Variants in TCF25 observed in about 807,000 individuals in gnomAD.
TCF25 encodes TCF25 ribosome quality control complex subunit.
Under a neutral mutation model 83.1 loss-of-function variants are expected in TCF25, and 41 were observed. The ratio of observed to expected loss-of-function variants is 0.49; its 90% confidence interval spans 0.38 to 0.64. TCF25 has a LOEUF of 0.64. Among genes scored for constraint, TCF25 ranks in the 30% least tolerant of loss-of-function variants. The pLI, the probability that TCF25 is intolerant of heterozygous loss-of-function variation, is 0.00. For missense variants in TCF25, 979 were observed against 914.5 expected (o/e 1.07, Z -0.91); for synonymous variants, 458 against 365.0 (o/e 1.25, Z -2.90).
rs765247841 is a variant in TCF25, at chr16:89,907,279, C to T, written c.1756C>T (p.Leu586=). ...GCAGTCTGTGATGGGGTTTGATCCT[C>T]TGCCTCCTTCGGACACAATCTACTC... ...TTQSVMGFDP[L]PPSDTIYSYV... Residue 586 remains leucine, a synonymous_variant, in exon 16 of 18, where the codon CTG becomes TTG. Coordinates refer to ENST00000263346, the MANE Select transcript of TCF25 (RefSeq NM_014972.3). 8 of 1,610,024 alleles carry T rather than the reference C, an allele frequency of 5.0e-6. No individual in the cohort carries two copies. The highest frequency in any genetic ancestry group is 6.8e-6 in the Non-Finnish European group (8 of 1,178,162).
Position 89,875,495 on chromosome 16 carries a change from A to G in TCF25, c.192+1636A>G, listed in dbSNP as rs16966251. 0.01 allele frequency among the ~76,000 whole-genome samples: 1,480 copies of G among 142,004 alleles called. 29 individuals are homozygous for G. In the South Asian group the frequency reaches 0.11, roughly 10 times the overall value. 93.2% of individuals were successfully genotyped at this position (142,004 alleles called of 152,430 possible). Reference sequence around the variant, plus strand: ...CCATCTCTCTAGAGTGTCTTCACATAGATATTCCCTGACGTGAGTTTTTTT... The same window carrying G: ...CCATCTCTCTAGAGTGTCTTCACATGGATATTCCCTGACGTGAGTTTTTTT... On this transcript the variant is annotated intron_variant, in intron 1 of 17. Coordinates refer to ENST00000263346, the MANE Select transcript of TCF25 (RefSeq NM_014972.3).
At chr16:89,901,361 C>T (rs1336177973) in intron 12 of TCF25, among the ~76,000 whole-genome samples, 1 of 152,174 alleles carries the variant, frequency 6.6e-6, no homozygotes, top group Non-Finnish European at 1.5e-5. Flanking sequence ...TGGGCCTCCT[C>T]CGAGGAGCTG....
chr16:89,879,242 C>T (rs528708304), intron 1 of TCF25, among the ~76,000 whole-genome samples: 33 of 148,602 alleles, frequency 2.2e-4, no homozygotes, highest in Middle Eastern at 3.5e-3. Context: ...ACGTGTTGTC[C>T]GTGTGCACAG....
At position 89,904,066 on chromosome 16, in the gene TCF25, G is replaced by C. The variant is rs2044570854; in HGVS notation, c.1382-52G>C. 8.3e-6 allele frequency: 13 copies of C among 1,556,948 alleles called. No homozygotes were observed. In the South Asian group the frequency reaches 1.5e-4, roughly 18 times the overall value. ...TCCCTTACTGCCTTGGGGGCTAGGA[G>C]TGGCTGGGGTGTGTGCTGAGGGCCC... On this transcript the variant is annotated intron_variant, in intron 12 of 17. Transcript: ENST00000263346.
chr16:89,896,596 C>G (rs975590297), intron 9 of TCF25, among the ~76,000 whole-genome samples: 4 of 149,722 alleles, frequency 2.7e-5, no homozygotes, highest in African/African-American at 9.9e-5. Context: ...CTCTGTCACC[C>G]AGGCCGGAGT....
In TCF25 at chr16:89,902,524, C is replaced by A. The variant is rs549462040; in HGVS notation, c.1382-1594C>A. On this transcript the variant is annotated intron_variant, in intron 12 of 17. Coordinates refer to ENST00000263346, the MANE Select transcript of TCF25 (RefSeq NM_014972.3). ...CTAACACGGTGAAACCACGTCTCTA[C>A]TAAAAATACAAAAAATTAGCCGGGC... is the stretch of plus-strand genomic sequence containing the variant. Among the ~76,000 whole-genome samples the A allele has an allele frequency of 1.4e-3, 205 of 143,454 alleles. 4 individuals carry two copies. The highest frequency in any genetic ancestry group is 4.9e-3 in the African/African-American group (195 of 39,810). The allele number at this position is 143,454 out of a possible 152,430, so 94.1% of individuals were successfully genotyped here.
At position 89,883,399 on chromosome 16, in the gene TCF25, T is replaced by C. The variant is rs762140558; in HGVS notation, c.241T>C (p.Ser81Pro). The part of the protein sequence containing the change: ...EDDPVVNGER[S>P]GCALTDAVAP... ...TGACCCTGTGGTGAACGGGGAGAGG[T>C]CTGGCTGTGCGCTCACAGACGCTGT... Residue 81 changes from serine (S) to proline (P), a missense_variant, in exon 2 of 18, where the codon TCT becomes CCT. Physicochemically the swap from Ser to Pro is moderately conservative, Grantham distance 74. Coordinates refer to ENST00000263346, the MANE Select transcript of TCF25 (RefSeq NM_014972.3). The C allele has an allele frequency of 2.5e-6, 4 of 1,612,928 alleles. No individual in the cohort carries two copies. The Admixed American group carries it at 6.7e-5, about 27-fold the overall frequency.
chr16:89,895,676 C>A (rs1011376594), intron 8 of TCF25, among the ~76,000 whole-genome samples: 1 of 152,244 alleles, frequency 6.6e-6, no homozygotes, highest in Non-Finnish European at 1.5e-5. Context: ...ATAGTGCTTA[C>A]GTCAGCATGC....
intron 1 of TCF25, among the ~76,000 whole-genome samples, chr16:89,875,353 G>A (rs185418485): frequency 3.3e-5 from 5 of 151,844 alleles, no homozygotes; most frequent in African/African-American, 7.2e-5. Context: ...CTTTTTGCTC[G>A]TGGAAGCTTG....
Position 89,898,788 on chromosome 16 carries a change from C to T in TCF25, c.1137C>T (p.Pro379=). 6.2e-7 allele frequency: 1 copy of T among 1,613,974 alleles called. No homozygotes were observed. Among genetic ancestry groups the T allele is most frequent in the Non-Finnish European group, 8.5e-7 (1 of 1,180,052 alleles). ...GAAGTCTCGAGCCGGATGAGGACCC[C>T]CTCTGCATGCTGCTGCTCATCGACC... ...LILSLEPDED[P]LCMLLLIDHL... The change falls in exon 11 of 18, where the codon CCC becomes CCT. Residue 379 remains proline, a synonymous_variant. Coordinates refer to ENST00000263346, the MANE Select transcript of TCF25 (RefSeq NM_014972.3).
chr16:89,893,735 C>T lies in TCF25; in HGVS notation c.705C>T (p.Ser235=). Reference sequence around the variant, plus strand: ...AGCACTCTCCCCTCCCAGGTCTGTCCATGCGGCTGCTGGAATCAAAAAAAG... The same window carrying T: ...AGCACTCTCCCCTCCCAGGTCTGTCTATGCGGCTGCTGGAATCAAAAAAAG... ...TWPRYSKPGL[S]MRLLESKKGL... is the part of the protein sequence containing the mutation. Residue 235 remains serine, a synonymous_variant, in exon 7 of 18, where the codon TCC becomes TCT. Coordinates refer to ENST00000263346, the MANE Select transcript of TCF25 (RefSeq NM_014972.3). The T allele has an allele frequency of 6.2e-7, 1 of 1,613,870 alleles. No homozygotes were observed. The highest frequency in any genetic ancestry group is 8.5e-7 in the Non-Finnish European group (1 of 1,179,968).
intron 11 of TCF25, among the ~76,000 whole-genome samples, chr16:89,900,287 G>A (rs559474703): frequency 1.3e-5 from 2 of 152,190 alleles, no homozygotes; most frequent in South Asian, 4.2e-4. Context: ...GACTCGCGCG[G>A]GGGTGGGCTG....
intron 14 of TCF25, 180 bp from the exon 15 acceptor site, chr16:89,906,014 C>G: frequency 3.4e-6 from 2 of 595,260 alleles, no homozygotes; most frequent in Non-Finnish European, 3.0e-6. Flanking sequence ...GGCTCCCCAG[C>G]CGCAGGCCAG....
intron 1 of TCF25, among the ~76,000 whole-genome samples, chr16:89,879,251 A>T (rs375619192): frequency 6.6e-6 from 1 of 150,966 alleles, no homozygotes; most frequent in Non-Finnish European, 1.5e-5. Flanking sequence ...CCGTGTGCAC[A>T]GATGGGCTTC....
At position 89,873,652 on chromosome 16, in the gene TCF25, GTGGTCGTTCGGTCCTA is replaced by G; in HGVS notation, c.-13_3del. On this transcript the variant is annotated start_lost and 5_prime_UTR_variant, in exon 1 of 18. Coordinates refer to ENST00000263346, the MANE Select transcript of TCF25 (RefSeq NM_014972.3). ...TTCCTTCTCCCTCTCTCCAGACGTCGTGGTCGTTCGGTCCTATGTCGCGCCGGGCCCTCCGGAGGCT... is the reference window on the plus strand; with the variant it reads ...TTCCTTCTCCCTCTCTCCAGACGTCGTGTCGCGCCGGGCCCTCCGGAGGCT... 6.4e-7 allele frequency: 1 copy of G among 1,558,026 alleles called. No homozygotes were observed. Among genetic ancestry groups the G allele is most frequent in the Non-Finnish European group, 8.6e-7 (1 of 1,158,034 alleles).
intron 17 of TCF25, among the ~76,000 whole-genome samples, chr16:89,910,872 C>A (rs2045498598): frequency 6.6e-6 from 1 of 152,254 alleles, no homozygotes; most frequent in South Asian, 2.1e-4. Context: ...GGCCGTGAGT[C>A]AGCCGGCTTG....
intron 1 of TCF25, among the ~76,000 whole-genome samples, chr16:89,879,914 C>T (rs995929790): frequency 2.6e-4 from 40 of 151,558 alleles, no homozygotes; most frequent in Non-Finnish European, 2.9e-4. Flanking sequence ...ACGTGTTGTC[C>T]GTGTACACAG....
intron 15 of TCF25, among the ~76,000 whole-genome samples, 159 bp from the exon 16 acceptor site, chr16:89,907,084 C>T (rs1030783002): frequency 2.6e-5 from 4 of 152,026 alleles, no homozygotes; most frequent in South Asian, 2.1e-4. Flanking sequence ...ACCCAAAGCT[C>T]GTTGGTACAA....
At position 89,911,290 on chromosome 16, in the gene TCF25, G is replaced by A; in HGVS notation, c.*52G>A. On this transcript the variant is annotated 3_prime_UTR_variant, in exon 18 of 18. Transcript: ENST00000263346. Reference sequence around the variant, plus strand: ...GTATGATGATGTTCCCGATTTCTCTGTTGGTCGGAGTCGGCCAGTTGCCTG... The same window carrying A: ...GTATGATGATGTTCCCGATTTCTCTATTGGTCGGAGTCGGCCAGTTGCCTG... 1.3e-6 allele frequency: 2 copies of A among 1,598,672 alleles called. No individual in the cohort carries two copies. The highest frequency in any genetic ancestry group is 1.3e-5 in the African/African-American group (1 of 74,818).
Sources: allele counts gnomAD v4.1 joint callset (sites outside exome capture counted in the v4.1 genomes callset), GRCh38; gene constraint gnomAD v4.1.1; transcripts MANE v1.5; gene names NCBI Gene and HGNC (gene_info 2026-07-23, HGNC 2026-07-21).